Variants in PLCB4 observed in about 807,000 individuals in gnomAD.
PLCB4 encodes 1-phosphatidylinositol 4,5-bisphosphate phosphodiesterase beta-4.
A neutral mutation model predicts 178.8 loss-of-function variants in PLCB4; 77 were observed. The observed-to-expected ratio is 0.43, with a 90% CI of 0.36 to 0.52. The LOEUF is 0.52. Among genes scored for constraint, PLCB4 ranks in the 20% least tolerant of loss-of-function variants. The probability of loss-of-function intolerance (pLI) is 0.00; values close to 1 mark genes in which losing one functional copy is unlikely to be tolerated. For missense variants in PLCB4, 1,024 were observed against 1,453.4 expected, an observed-to-expected ratio of 0.70 and a Z score of 4.80; for synonymous variants, 496 against 490.8, an observed-to-expected ratio of 1.01 and a Z score of -0.14.
At chr20:9,310,255 G>A (rs938766266) in intron 4 of PLCB4, among the ~76,000 whole-genome samples, 3 of 152,138 alleles carry the variant, frequency 2.0e-5, no homozygotes, top group Non-Finnish European at 4.4e-5. Context: ...AAGCCAGTGC[G>A]AGGAATAAGA....
chr20:9,444,985 A>G (rs2042328443), intron 32 of PLCB4, among the ~76,000 whole-genome samples: 1 of 152,174 alleles, frequency 6.6e-6, no homozygotes, highest in Non-Finnish European at 1.5e-5. Context: ...AATCTTGCCC[A>G]GTAGCCTACT....
chr20:9,458,461 A>G (rs907384845), intron 34 of PLCB4, among the ~76,000 whole-genome samples: 1 of 152,220 alleles, frequency 6.6e-6, no homozygotes, highest in African/African-American at 2.4e-5. Flanking sequence ...AACTGTGTCA[A>G]AGAAGAGCAC....
intron 3 of PLCB4, among the ~76,000 whole-genome samples, chr20:9,277,194 T>C (rs1187534803): frequency 6.6e-6 from 1 of 152,014 alleles, no homozygotes; most frequent in Non-Finnish European, 1.5e-5. Context: ...AATTTCAGCC[T>C]TTTTGAAGAG....
At chr20:9,397,217 C>G (rs538104371) in intron 19 of PLCB4, among the ~76,000 whole-genome samples, 1 of 152,292 alleles carries the variant, frequency 6.6e-6, no homozygotes, top group African/African-American at 2.4e-5. Flanking sequence ...CTCAAGAAAC[C>G]ACCTTCTTTG....
At chr20:9,296,414 T>C (rs2094635621) in intron 3 of PLCB4, among the ~76,000 whole-genome samples, 1 of 152,216 alleles carries the variant, frequency 6.6e-6, no homozygotes, top group Non-Finnish European at 1.5e-5. Context: ...GTTGTGGGAC[T>C]GTAAACTAGT....
chr20:9,275,543 T>G (rs1197873980), intron 3 of PLCB4, among the ~76,000 whole-genome samples: 2 of 152,160 alleles, frequency 1.3e-5, no homozygotes, highest in East Asian at 3.9e-4. Context: ...ACTCCAGCCT[T>G]GTTCTGTGCC....
chr20:9,340,419 A>G (rs1005930622), intron 7 of PLCB4, among the ~76,000 whole-genome samples: 4 of 152,142 alleles, frequency 2.6e-5, no homozygotes, highest in African/African-American at 9.7e-5. Flanking sequence ...AAGATGCTCC[A>G]GGTGACTCGG....
chr20:9,180,238 T>C (rs943393583), intron 2 of PLCB4, among the ~76,000 whole-genome samples: 13 of 152,220 alleles, frequency 8.5e-5, no homozygotes, highest in African/African-American at 3.1e-4. Context: ...TTATGGATAG[T>C]AATTATTATG....
chr20:9,435,158 A>G (rs2041682814), intron 28 of PLCB4, among the ~76,000 whole-genome samples: 3 of 152,214 alleles, frequency 2.0e-5, no homozygotes, highest in African/African-American at 7.2e-5. Context: ...TATCATGATT[A>G]TTCTGCAGGG....
At chr20:9,296,451 G>A (rs568814310) in intron 3 of PLCB4, among the ~76,000 whole-genome samples, 81 of 152,174 alleles carry the variant, frequency 5.3e-4, no homozygotes, top group African/African-American at 1.4e-3. Context: ...TCAGTGTGGC[G>A]ATTCCTCAGG....
chr20:9,379,830 C>G (rs1163837237), intron 12 of PLCB4, among the ~76,000 whole-genome samples: 2 of 152,110 alleles, frequency 1.3e-5, no homozygotes, highest in African/African-American at 2.4e-5. Context: ...AATGTATTCT[C>G]TCTCTCTCTC....
At chr20:9,381,401 G>A (rs370086769) in intron 13 of PLCB4, among the ~76,000 whole-genome samples, 1 of 152,144 alleles carries the variant, frequency 6.6e-6, no homozygotes, top group Non-Finnish European at 1.5e-5. Context: ...TTTGAAGTTT[G>A]TAGAGGGCTG....
In PLCB4 at chr20:9,307,856, C is replaced by T. The variant is rs1474428452; in HGVS notation, c.42C>T (p.Pro14=). ...AATTTAACTGGCAGAAGGAAGTTCC[C>T]TCCTTTTTGCAAGAAGGAGCAGTTT... ...PYEFNWQKEV[P]SFLQEGAVFD... Residue 14 remains proline, a synonymous_variant, in exon 4 of 40, where the codon CCC becomes CCT. Transcript: ENST00000378473. 3 of 1,600,088 alleles carry T rather than the reference C, an allele frequency of 1.9e-6. No homozygotes were observed. The highest frequency in any genetic ancestry group is 2.2e-5 in the East Asian group (1 of 44,630).
In PLCB4 at chr20:9,158,500, C is replaced by T. The variant is rs1424876540; in HGVS notation, c.-78-58890C>T. On this transcript the variant is annotated intron_variant, in intron 2 of 39. Transcript: ENST00000378473. ...GCCAGGCCTGTCTCAAACTCCTGACCTCATGTAATCCACCCTCCTTGGCCT... is the reference window on the plus strand; with the variant it reads ...GCCAGGCCTGTCTCAAACTCCTGACTTCATGTAATCCACCCTCCTTGGCCT... Among the ~76,000 whole-genome samples the T allele has an allele frequency of 4.6e-5, 7 of 151,142 alleles. No individual in the cohort carries two copies. In the East Asian group the frequency reaches 1.4e-3, roughly 30 times the overall value.
At chr20:9,210,766 A>C (rs1389785146) in intron 2 of PLCB4, among the ~76,000 whole-genome samples, 2 of 152,162 alleles carry the variant, frequency 1.3e-5, no homozygotes, top group Non-Finnish European at 2.9e-5. Flanking sequence ...CTCTCTGTGA[A>C]TGCAGCCTAG....
intron 2 of PLCB4, among the ~76,000 whole-genome samples, chr20:9,208,564 G>A (rs534437010): frequency 9.3e-4 from 141 of 151,400 alleles, no homozygotes; most frequent in African/African-American, 3.3e-3. Context: ...TTCTGAGACA[G>A]GGTCTTGCTC....
chr20:9,225,517 G>C (rs905063036), intron 3 of PLCB4, among the ~76,000 whole-genome samples: 1 of 152,294 alleles, frequency 6.6e-6, no homozygotes, highest in African/African-American at 2.4e-5. Flanking sequence ...TAGTTTCTTT[G>C]AGCTTGTCAC....
chr20:9,403,048 A>G (rs1410358793), intron 20 of PLCB4, among the ~76,000 whole-genome samples: 1 of 152,162 alleles, frequency 6.6e-6, no homozygotes, highest in Non-Finnish European at 1.5e-5. Flanking sequence ...TCATGGGGTC[A>G]CTGTGAAGAG....
intron 3 of PLCB4, among the ~76,000 whole-genome samples, chr20:9,223,013 G>A (rs2093818493): frequency 1.3e-5 from 2 of 152,116 alleles, no homozygotes; most frequent in South Asian, 4.1e-4. Context: ...AAAACATTTA[G>A]GTTTGGCAGC....
Sources: gnomAD v4.1 joint callset for allele counts (sites outside exome capture counted in the v4.1 genomes callset) on GRCh38, gnomAD v4.1.1 for gene constraint, MANE v1.5 for transcripts, NCBI Gene and HGNC (gene_info 2026-07-23, HGNC 2026-07-21) for gene names.